DGKB: variants seen among roughly 807,000 people sequenced by gnomAD.
DGKB encodes 90 kDa diacylglycerol kinase.
Under a neutral mutation model 114.3 loss-of-function variants are expected in DGKB, and 67 were observed. The ratio of observed to expected loss-of-function variants is 0.59; its 90% CI spans 0.48 to 0.72. DGKB has a LOEUF of 0.72. Ranked by LOEUF, DGKB falls within the 30% of genes least tolerant of loss-of-function variation. DGKB has a pLI of 0.00. For missense variants in DGKB, 907 were observed against 975.2 expected, an observed-to-expected ratio of 0.93 and a Z score of 0.93; for synonymous variants, 398 against 323.1, an observed-to-expected ratio of 1.23 and a Z score of -2.49.
chr7:14,953,166 C>G (rs950610931), intron 1 of DGKB, among the ~76,000 whole-genome samples: 6 of 151,932 alleles, frequency 3.9e-5, no homozygotes, highest in Non-Finnish European at 7.4e-5. Flanking sequence ...TTCTTAGATA[C>G]TTTACTAAAA....
At chr7:14,544,227 C>G (rs188243929) in intron 20 of DGKB, among the ~76,000 whole-genome samples, 2 of 152,214 alleles carry the variant, frequency 1.3e-5, no homozygotes, top group Non-Finnish European at 2.9e-5. Context: ...AATGTTCTCG[C>G]TTTTGTAGGC....
At chr7:14,311,481 A>G (rs1805384477) in intron 23 of DGKB, among the ~76,000 whole-genome samples, 1 of 151,946 alleles carries the variant, frequency 6.6e-6, no homozygotes, top group Non-Finnish European at 1.5e-5. Context: ...GAGTACAATG[A>G]CATGTTCATG....
chr7:14,774,099 G>C (rs1837810019), intron 2 of DGKB, among the ~76,000 whole-genome samples: 1 of 152,230 alleles, frequency 6.6e-6, no homozygotes, highest in African/African-American at 2.4e-5. Context: ...TGGGAGGAGT[G>C]CAAGGACAAG....
At chr7:14,401,920 G>A (rs919441774) in intron 21 of DGKB, among the ~76,000 whole-genome samples, 8 of 151,180 alleles carry the variant, frequency 5.3e-5, no homozygotes, top group African/African-American at 1.9e-4. Flanking sequence ...CCTCCATAGA[G>A]GAGGAAATCT....
intron 23 of DGKB, among the ~76,000 whole-genome samples, chr7:14,218,730 G>GC (rs1554292605): frequency 6.6e-6 from 1 of 151,274 alleles, no homozygotes; most frequent in African/African-American, 2.4e-5. Flanking sequence ...CCGGGACAGA[G>GC]TTTTTTTTTA....
intron 13 of DGKB, among the ~76,000 whole-genome samples, chr7:14,661,441 A>G (rs1381258609): frequency 2.9e-5 from 4 of 135,982 alleles, no homozygotes; most frequent in Non-Finnish European, 6.4e-5. Flanking sequence ...GCAGCCAAAA[A>G]ACACATGAAA....
At chr7:14,749,308 T>C (rs1320696118) in intron 4 of DGKB, among the ~76,000 whole-genome samples, 3 of 152,156 alleles carry the variant, frequency 2.0e-5, no homozygotes, top group African/African-American at 7.2e-5. Flanking sequence ...GATAGTTCCT[T>C]TGAAGAGAAA....
At chr7:14,952,733 T>C (rs1292506741) in intron 1 of DGKB, among the ~76,000 whole-genome samples, 1 of 152,004 alleles carries the variant, frequency 6.6e-6, no homozygotes, top group Non-Finnish European at 1.5e-5. Context: ...CACTCCAGCC[T>C]GGGTGACAAA....
At chr7:14,903,103 G>A (rs1173141503), upstream of DGKB, 2 of 152,176 alleles carry the variant, frequency 1.3e-5, no homozygotes, top group Non-Finnish European at 2.9e-5. Context: ...GCAGCTGAAG[G>A]AAACAATTTG....
chr7:14,860,713 A>G (rs1283143605), intron 1 of DGKB, among the ~76,000 whole-genome samples: 2 of 151,870 alleles, frequency 1.3e-5, no homozygotes, highest in East Asian at 1.9e-4. Flanking sequence ...CAGTTATACT[A>G]TGTTTAGAGG....
intron 1 of DGKB, among the ~76,000 whole-genome samples, chr7:14,967,467 T>C (rs1404999732): frequency 6.6e-6 from 1 of 151,818 alleles, no homozygotes. Flanking sequence ...ATTGTAGGCA[T>C]GCACCACCAC....
intron 23 of DGKB, among the ~76,000 whole-genome samples, chr7:14,290,320 GT>G (rs974459809): frequency 1.1e-4 from 16 of 151,660 alleles, no homozygotes; most frequent in African/African-American, 3.6e-4. Flanking sequence ...ATTTTTATTT[GT>G]TTTTTTTCCA....
intron 3 of DGKB, among the ~76,000 whole-genome samples, chr7:14,756,931 A>G (rs947092175): frequency 7.2e-5 from 11 of 152,074 alleles, no homozygotes; most frequent in African/African-American, 1.9e-4. Flanking sequence ...AACATCTCTC[A>G]ACTAATATTA....
At chr7:14,777,437 G>C (rs1464339294) in intron 2 of DGKB, among the ~76,000 whole-genome samples, 1 of 152,118 alleles carries the variant, frequency 6.6e-6, no homozygotes, top group Admixed American at 6.5e-5. Flanking sequence ...ATCCCCACAT[G>C]TCATGGGAGG....
chr7:14,785,226 G>T (rs1839707775), intron 2 of DGKB, among the ~76,000 whole-genome samples: 1 of 151,910 alleles, frequency 6.6e-6, no homozygotes, highest in African/African-American at 2.4e-5. Flanking sequence ...CACTTTAAAG[G>T]TTTATAAATA....
intron 23 of DGKB, among the ~76,000 whole-genome samples, chr7:14,184,045 CAGG>C (rs1004554187): frequency 2.0e-5 from 3 of 152,256 alleles, no homozygotes; most frequent in African/African-American, 7.2e-5. Flanking sequence ...AGTCCATTTG[CAGG>C]AGAAGTTTCC....
At position 14,401,670 on chromosome 7, in the gene DGKB, C is replaced by T. The variant is rs369884061; in HGVS notation, c.1836-56279G>A. Among the ~76,000 whole-genome samples, 29 of 151,896 alleles carry T rather than the reference C, an allele frequency of 1.9e-4. 1 individual carries two copies. In the South Asian group the frequency reaches 3.3e-3, roughly 17 times the overall value. ...GTGCTTCATTAACTCTAAACATAAT[C>T]GCTTGCAATAGGCCCAGTTTTTAAA... On this transcript the variant is annotated intron_variant, in intron 21 of 25. Transcript: ENST00000402815.
chr7:14,547,157 T>C (rs1794416809), intron 20 of DGKB, among the ~76,000 whole-genome samples: 2 of 152,184 alleles, frequency 1.3e-5, no homozygotes, highest in Admixed American at 1.3e-4. Context: ...TTTTTATACT[T>C]AATGTTACTC....
intron 23 of DGKB, among the ~76,000 whole-genome samples, chr7:14,188,659 CAAAAAAAAAA>C (rs35808078): frequency 0.012 from 411 of 34,122 alleles, 13 homozygotes; most frequent in African/African-American, 0.035. Flanking sequence ...GACTCCGTCT[CAAAAAAAAAA>C]AAAAAAAAAA....
Sources: allele counts gnomAD v4.1 joint callset (sites outside exome capture counted in the v4.1 genomes callset), GRCh38; gene constraint gnomAD v4.1.1; transcripts MANE v1.5; gene names NCBI Gene and HGNC (gene_info 2026-07-23, HGNC 2026-07-21).